The following NUP37 variants were observed in gnomAD, a reference collection of about 807,000 sequenced individuals.
NUP37 encodes nucleoporin Nup37.
In NUP37, 33 loss-of-function variants were observed where a neutral mutation model predicts 45.4. The ratio of observed to expected loss-of-function variants is 0.73; its 90% CI spans 0.55 to 0.97. NUP37 has a LOEUF of 0.97. Ranked by LOEUF, NUP37 falls within the 50% of genes least tolerant of loss-of-function variation. The pLI is 0.00. For synonymous variants in NUP37, 127 were observed against 130.7 expected (o/e 0.97, Z 0.19); for missense variants, 365 against 389.7 (o/e 0.94, Z 0.53).
rs754171000 is a variant in NUP37, at chr12:102,073,632, C to G, written c.*722G>C. The G allele has an allele frequency of 2.6e-5, 4 of 152,102 alleles. No individual in the cohort carries two copies. Among genetic ancestry groups the G allele is most frequent in the Non-Finnish European group, 5.9e-5 (4 of 68,016 alleles). The allele number at this position is 152,102 out of a possible 1,614,324, so 9.4% of individuals were successfully genotyped here. A position where few individuals can be genotyped will look rare whatever the true frequency, so the allele number is the denominator to read the frequency against. The stretch of plus-strand genomic sequence containing the variant: ...TTTTACATTAAATTGAGTACACATA[C>G]ACATATATATACTCAACAACCACTT... On this transcript the variant is annotated 3_prime_UTR_variant, in exon 10 of 10. Coordinates refer to ENST00000552283, the MANE Select transcript of NUP37 (RefSeq NM_024057.4).
chr12:102,102,343 T>C (rs1879996073), intron 3 of NUP37, among the ~76,000 whole-genome samples: 1 of 152,170 alleles, frequency 6.6e-6, no homozygotes, highest in South Asian at 2.1e-4. Context: ...CAGGGAATGA[T>C]TCTTTGTCCA....
intron 5 of NUP37, among the ~76,000 whole-genome samples, chr12:102,098,354 T>C (rs950779957): frequency 6.6e-5 from 10 of 152,208 alleles, no homozygotes; most frequent in Admixed American, 2.0e-4. Context: ...GAAAACCTTA[T>C]GCAGAAACCT....
chr12:102,112,331 C>T (rs1880341015), intron 2 of NUP37, 99 bp from the exon 3 acceptor site: 2 of 1,016,444 alleles, frequency 2.0e-6, no homozygotes, highest in South Asian at 2.5e-5. Context: ...TATGCTTATG[C>T]TTTTGAAAAG....
At chr12:102,114,992 T>C (rs765546217) in intron 2 of NUP37, among the ~76,000 whole-genome samples, 7 of 152,222 alleles carry the variant, frequency 4.6e-5, no homozygotes, top group Admixed American at 2.0e-4. Context: ...TGATCTCCTC[T>C]AGGTGAAGAC....
chr12:102,118,586 G>T lies in NUP37; in HGVS notation c.-65-3C>A. On this transcript the variant is annotated splice_polypyrimidine_tract_variant and splice_region_variant and intron_variant, in intron 1 of 9. Transcript: ENST00000552283. ...TTCTACTGGACAAGGTCACGAAACT[G>T]TGGATTAGAGCACAGGTACAATTAC... The T allele has an allele frequency of 1.4e-6, 2 of 1,400,454 alleles. No homozygotes were observed. The highest frequency in any genetic ancestry group is 1.3e-5 in the South Asian group (1 of 75,966). The allele number at this position is 1,400,454 out of a possible 1,614,324, so 86.8% of individuals were successfully genotyped here.
In NUP37 at chr12:102,096,916, T is replaced by C. The variant is rs143869875; in HGVS notation, c.449+2190A>G. On this transcript the variant is annotated intron_variant, in intron 5 of 9. Transcript: ENST00000552283. ...TTTATTTTTGGTTGGTGAACTAAGC[T>C]GTAAATTCTAAAAATACTCCTAGTT... 9.9e-4 allele frequency among the ~76,000 whole-genome samples: 151 copies of C among 152,282 alleles called. 1 individual carries two copies. The highest frequency in any genetic ancestry group is 3.6e-3 in the African/African-American group (150 of 41,554).
chr12:102,113,778 T>C (rs1264883675), intron 2 of NUP37, among the ~76,000 whole-genome samples: 1 of 152,212 alleles, frequency 6.6e-6, no homozygotes, highest in African/African-American at 2.4e-5. Context: ...TAGGAATTAC[T>C]TGAAGGCCTG....
Position 102,089,720 on chromosome 12 carries a change from C to T in NUP37, c.450-3864G>A, listed in dbSNP as rs528484765. Among the ~76,000 whole-genome samples the T allele has an allele frequency of 7.0e-4, 106 of 150,744 alleles. 3 individuals carry two copies. In the South Asian group the frequency reaches 0.019, roughly 26 times the overall value. ...GGCGCTCCTCACTTCCCAGACGAGG[C>T]GGCCGGGCAGAGGCGCTCCTCACTT... is the stretch of plus-strand genomic sequence containing the variant. On this transcript the variant is annotated intron_variant, in intron 5 of 9. Coordinates refer to ENST00000552283, the MANE Select transcript of NUP37 (RefSeq NM_024057.4).
intron 6 of NUP37, among the ~76,000 whole-genome samples, chr12:102,080,243 T>C (rs920920301): frequency 2.0e-5 from 3 of 152,160 alleles, no homozygotes; most frequent in Admixed American, 6.5e-5. Context: ...GTATTCTTAA[T>C]AGAAGAAGTG....
At chr12:102,092,827 T>G (rs1001963575) in intron 5 of NUP37, among the ~76,000 whole-genome samples, 56 of 152,124 alleles carry the variant, frequency 3.7e-4, no homozygotes, top group African/African-American at 1.3e-3. Context: ...GCAAAAGCCT[T>G]AAAGGTGGAG....
At chr12:102,115,731 C>T (rs1880444764) in intron 2 of NUP37, 1 of 613,386 alleles carries the variant, frequency 1.6e-6, no homozygotes, top group Non-Finnish European at 2.0e-6. Context: ...ATATCTACAA[C>T]GTTTTCTAAA....
chr12:102,077,207 A>C (rs1879194938), intron 7 of NUP37, 115 bp downstream of exon 7: 1 of 1,071,438 alleles, frequency 9.3e-7, no homozygotes, highest in South Asian at 1.3e-5. Flanking sequence ...TATAGGAAAG[A>C]CTTGCTTTCG....
chr12:102,108,098 G>T (rs73185922), intron 3 of NUP37, among the ~76,000 whole-genome samples: 1 of 152,144 alleles, frequency 6.6e-6, no homozygotes. Flanking sequence ...GGTTCTGGGT[G>T]TATCTGGGTG....
At chr12:102,091,399 C>CAA (rs1163474160) in intron 5 of NUP37, among the ~76,000 whole-genome samples, 424 of 37,716 alleles carry the variant, frequency 0.011, 24 homozygotes, top group African/African-American at 0.03. Context: ...GACTCCGTCT[C>CAA]AAAAAAAAAA....
At chr12:102,110,318 G>T (rs529330074) in intron 3 of NUP37, among the ~76,000 whole-genome samples, 2 of 151,648 alleles carry the variant, frequency 1.3e-5, no homozygotes, top group East Asian at 3.9e-4. Context: ...TGGGCAACAT[G>T]GCGAAACCCC....
At position 102,112,091 on chromosome 12, in the gene NUP37, G is replaced by C. The variant is rs1179297316; in HGVS notation, c.281+17C>G. ...AAGTACATTAGTAAGGAATGCATTT[G>C]GTACTGTTAAACTTACTTGATTACT... is the stretch of plus-strand genomic sequence containing the variant. On this transcript the variant is annotated intron_variant, in intron 3 of 9. Transcript: ENST00000552283. 1.2e-6 allele frequency: 2 copies of C among 1,610,318 alleles called. No individual in the cohort carries two copies. Among genetic ancestry groups the C allele is most frequent in the African/African-American group, 2.7e-5 (2 of 74,934 alleles).
intron 6 of NUP37, among the ~76,000 whole-genome samples, chr12:102,084,698 G>C (rs1879419456): frequency 6.6e-6 from 1 of 151,250 alleles, no homozygotes; most frequent in Admixed American, 6.6e-5. Context: ...GTGACAGCCA[G>C]GCTGTGTCTC....
At chr12:102,098,146 A>T (rs1405935999) in intron 5 of NUP37, among the ~76,000 whole-genome samples, 1 of 151,940 alleles carries the variant, frequency 6.6e-6, no homozygotes, top group African/African-American at 2.4e-5. Flanking sequence ...AGCAACTGAC[A>T]CCCTTCCAAT....
rs58159007 is a variant in NUP37 at position 102,097,738 on chromosome 12, C to T, written c.449+1368G>A. Among the ~76,000 whole-genome samples, 508 of 152,192 alleles carry T rather than the reference C, an allele frequency of 3.3e-3. 1 individual carries two copies. The highest frequency in any genetic ancestry group is 0.011 in the African/African-American group (474 of 41,524). ...ATCTATGTTTTAAAGAGCTGAAATG[C>T]CATTATTTATTTCCAGTGACCGAAT... On this transcript the variant is annotated intron_variant, in intron 5 of 9. Transcript: ENST00000552283.
Sources: gnomAD v4.1 joint callset for allele counts (sites outside exome capture counted in the v4.1 genomes callset) on GRCh38, gnomAD v4.1.1 for gene constraint, MANE v1.5 for transcripts, NCBI Gene and HGNC (gene_info 2026-07-23, HGNC 2026-07-21) for gene names.